The following PHACTR4 variants were observed in gnomAD, a reference collection of about 807,000 sequenced individuals.
The protein encoded by PHACTR4 is phosphatase and actin regulator 4.
In PHACTR4, 51 loss-of-function variants were observed where a neutral mutation model predicts 72.7. The ratio of observed to expected loss-of-function variants is 0.70; its 90% CI spans 0.56 to 0.89. The LOEUF is 0.89. Ranked by LOEUF, PHACTR4 falls within the 40% of genes least tolerant of loss-of-function variation. The probability of loss-of-function intolerance (pLI) is 0.00; values close to 1 mark genes in which losing one functional copy is unlikely to be tolerated. For missense variants in PHACTR4, 731 were observed against 861.8 expected, an observed-to-expected ratio of 0.85 and a Z score of 1.90; for synonymous variants, 255 against 302.5, an observed-to-expected ratio of 0.84 and a Z score of 1.63.
At chr1:28,401,831 T>C (rs565485365) in intron 1 of PHACTR4, among the ~76,000 whole-genome samples, 11 of 152,170 alleles carry the variant, frequency 7.2e-5, no homozygotes, top group Non-Finnish European at 1.3e-4. Flanking sequence ...ATTCCTGGCC[T>C]CAAGTGATCC....
At chr1:28,381,524 T>C (rs1396982639) in intron 1 of PHACTR4, among the ~76,000 whole-genome samples, 2 of 151,194 alleles carry the variant, frequency 1.3e-5, no homozygotes, top group Non-Finnish European at 2.9e-5. Context: ...GGTCTCGATC[T>C]CCTGACCTCG....
intron 1 of PHACTR4, among the ~76,000 whole-genome samples, chr1:28,381,300 GC>G (rs1395489428): frequency 8.5e-6 from 1 of 117,322 alleles, no homozygotes; most frequent in Admixed American, 9.0e-5. Context: ...ACTGCGCCTG[GC>G]CTTTTTTTTT....
At chr1:28,417,377 C>A (rs746740905) in intron 2 of PHACTR4, among the ~76,000 whole-genome samples, 41 of 151,978 alleles carry the variant, frequency 2.7e-4, no homozygotes, top group Non-Finnish European at 3.7e-4. Flanking sequence ...ATAAATTAGG[C>A]ACAGTAAGAA....
intron 2 of PHACTR4, among the ~76,000 whole-genome samples, chr1:28,434,806 A>G (rs974494623): frequency 3.9e-4 from 59 of 152,094 alleles, no homozygotes; most frequent in Admixed American, 3.9e-3. Context: ...TGCTGGGATT[A>G]TAGGAATGAG....
chr1:28,485,979 A>G (rs1326940144), intron 9 of PHACTR4, among the ~76,000 whole-genome samples: 3 of 152,170 alleles, frequency 2.0e-5, no homozygotes, highest in African/African-American at 7.2e-5. Flanking sequence ...TGTTATCACT[A>G]TAAAATAAGA....
chr1:28,410,114 G>A (rs11247809), intron 2 of PHACTR4, among the ~76,000 whole-genome samples: 34,956 of 142,796 alleles, frequency 0.24, 5,221 homozygotes, highest in Middle Eastern at 0.31. Context: ...CTACAGGCAC[G>A]TGCCACCACA....
In PHACTR4 at chr1:28,473,989, G is replaced by A. The variant is rs370367386; in HGVS notation, c.1259G>A (p.Arg420Gln). ...SRLPPLPLHI[R>Q]IQQALTSPLP... ...CTGCCTCCACTCCCACTGCATATTC[G>A]AATCCAGCAGGCCCTCACCAGCCCA... The change falls in exon 7 of 14, where the codon CGA becomes CAA. Residue 420 changes from arginine (R) to glutamine (Q), a missense_variant. This residue lies in a region of PHACTR4 where 621 missense variants were observed against 676.6 expected (regional missense o/e 0.92). Coordinates refer to ENST00000373839, the MANE Select transcript of PHACTR4 (RefSeq NM_001048183.3). 18 of 1,613,962 alleles carry A rather than the reference G, an allele frequency of 1.1e-5. No individual in the cohort carries two copies. The highest frequency in any genetic ancestry group is 6.7e-5 in the African/African-American group (5 of 74,884).
chr1:28,378,678 C>A (rs1274841508), intron 1 of PHACTR4, among the ~76,000 whole-genome samples: 3 of 134,596 alleles, frequency 2.2e-5, no homozygotes, highest in Admixed American at 8.6e-5. Flanking sequence ...AGAGGTTTGA[C>A]ATGTTTGAAG....
chr1:28,416,728 C>A (rs1435378820), intron 2 of PHACTR4, among the ~76,000 whole-genome samples: 1 of 152,198 alleles, frequency 6.6e-6, no homozygotes, highest in African/African-American at 2.4e-5. Flanking sequence ...ATGTGTCATG[C>A]ACCCTGGACA....
At chr1:28,472,190 G>A (rs1003858070) in intron 6 of PHACTR4, among the ~76,000 whole-genome samples, 20 of 149,800 alleles carry the variant, frequency 1.3e-4, no homozygotes, top group African/African-American at 3.8e-4. Flanking sequence ...TCCAGCCTGG[G>A]CGACAAGACT....
chr1:28,449,152 C>T (rs188081833), intron 2 of PHACTR4, among the ~76,000 whole-genome samples: 1 of 151,786 alleles, frequency 6.6e-6, no homozygotes, highest in African/African-American at 2.4e-5. Context: ...CAAAACAAAA[C>T]AACAACAACA....
intron 9 of PHACTR4, among the ~76,000 whole-genome samples, chr1:28,484,846 GT>G (rs1407969991): frequency 2.6e-5 from 4 of 151,486 alleles, no homozygotes; most frequent in African/African-American, 9.7e-5. Flanking sequence ...GGCACCTGTA[GT>G]CCCAGCTACT....
At chr1:28,403,123 C>T (rs1047190467) in intron 1 of PHACTR4, among the ~76,000 whole-genome samples, 2 of 152,138 alleles carry the variant, frequency 1.3e-5, no homozygotes, top group Admixed American at 6.5e-5. Flanking sequence ...GTTGGGTTAT[C>T]TTTGAGGCAG....
chr1:28,490,921 ATAT>A lies in PHACTR4; in HGVS notation c.1817-28_1817-26del, dbSNP rs1365765854. On this transcript the variant is annotated intron_variant, in intron 10 of 13. Coordinates refer to ENST00000373839, the MANE Select transcript of PHACTR4 (RefSeq NM_001048183.3). ...ATATGCAAATTGTCATTTGTGAGTA[ATAT>A]TCCTTCCTTCTGATTGTCAACTGTA... 7 of 1,599,280 alleles carry A rather than the reference ATAT, an allele frequency of 4.4e-6. No individual in the cohort carries two copies. The African/African-American group carries it at 6.7e-5, about 15-fold the overall frequency.
intron 2 of PHACTR4, among the ~76,000 whole-genome samples, chr1:28,451,307 A>G (rs2124443761): frequency 6.6e-6 from 1 of 151,762 alleles, no homozygotes; most frequent in South Asian, 2.1e-4. Context: ...TTTCTATTAC[A>G]GTTTCTAAGC....
intron 2 of PHACTR4, among the ~76,000 whole-genome samples, chr1:28,451,514 T>C (rs75180772): frequency 0.1 from 15,772 of 151,828 alleles, 1,889 homozygotes; most frequent in African/African-American, 0.3. Context: ...TCAAGCAATC[T>C]TCCTGCCTCA....
At chr1:28,406,756 C>G (rs1305426197) in intron 1 of PHACTR4, among the ~76,000 whole-genome samples, 1 of 152,068 alleles carries the variant, frequency 6.6e-6, no homozygotes, top group South Asian at 2.1e-4. Flanking sequence ...TTGACACTTG[C>G]CTTGATTGGG....
At chr1:28,448,640 T>A (rs1199924357) in intron 2 of PHACTR4, among the ~76,000 whole-genome samples, 2 of 143,024 alleles carry the variant, frequency 1.4e-5, no homozygotes, top group African/African-American at 2.7e-5. Flanking sequence ...TGGGCGCCTG[T>A]AGTCCCAGCT....
Position 28,491,765 on chromosome 1 carries a change from C to G in PHACTR4, c.1994C>G (p.Thr665Ser). The change falls in exon 12 of 14, where the codon ACC becomes AGC. Residue 665 changes from threonine (T) to serine (S), a missense_variant. Physicochemically the swap from Thr to Ser is moderately conservative, Grantham distance 58. Transcript: ENST00000373839. Reference protein sequence around the residue: ...DYDRRADKPWTKLTPADKAAI... With the variant: ...DYDRRADKPWSKLTPADKAAI... ...GACCGGCGAGCCGACAAACCTTGGA[C>G]CAAACTGACCCCTGCTGACAAGGTA... 6.2e-7 allele frequency: 1 copy of G among 1,614,058 alleles called. No individual in the cohort carries two copies. The highest frequency in any genetic ancestry group is 8.5e-7 in the Non-Finnish European group (1 of 1,179,996).
Sources: allele counts gnomAD v4.1 joint callset (sites outside exome capture counted in the v4.1 genomes callset), GRCh38; gene constraint gnomAD v4.1.1; regional missense constraint gnomAD v4.1.1; transcripts MANE v1.5; gene names NCBI Gene and HGNC (gene_info 2026-07-23, HGNC 2026-07-21).